Variants in SNTG2 observed in about 807,000 individuals in gnomAD.
The protein encoded by SNTG2 is syntrophin gamma 2, also known as gamma-2-syntrophin.
In SNTG2, 74 loss-of-function variants were observed where a neutral mutation model predicts 70.9. That is an observed-to-expected ratio of 1.04 (90% confidence interval 0.86 to 1.27). The LOEUF is 1.27. Among genes scored for constraint, SNTG2 ranks in the 50% most tolerant of loss-of-function variants. The probability of loss-of-function intolerance (pLI) is 0.00; values close to 1 mark genes in which losing one functional copy is unlikely to be tolerated. For missense variants in SNTG2, 717 were observed against 690.7 expected (o/e 1.04, Z -0.43); for synonymous variants, 278 against 273.8 (o/e 1.02, Z -0.15).
At chr2:1,335,106 G>A (rs1659750122) in intron 16 of SNTG2, among the ~76,000 whole-genome samples, 1 of 151,928 alleles carries the variant, frequency 6.6e-6, no homozygotes, top group African/African-American at 2.4e-5. Flanking sequence ...CTCAACTTGG[G>A]GCCCAGCCAC....
intron 9 of SNTG2, among the ~76,000 whole-genome samples, chr2:1,234,129 G>A (rs1320715484): frequency 6.6e-6 from 1 of 152,174 alleles, no homozygotes; most frequent in Non-Finnish European, 1.5e-5. Context: ...TGTGAGCCAC[G>A]GAGGAAACTC....
At chr2:1,249,717 T>C (rs1207474560) in intron 12 of SNTG2, among the ~76,000 whole-genome samples, 2 of 152,270 alleles carry the variant, frequency 1.3e-5, no homozygotes, top group Non-Finnish European at 2.9e-5. Context: ...TGTTTGATTT[T>C]GAAATAATTC....
At chr2:1,336,050 G>A (rs547140034) in intron 16 of SNTG2, among the ~76,000 whole-genome samples, 143 of 152,194 alleles carry the variant, frequency 9.4e-4, no homozygotes, top group African/African-American at 3.3e-3. Context: ...TATTAGTCTT[G>A]AAATTAAAAT....
chr2:1,314,962 C>T lies in SNTG2; in HGVS notation c.1378-1303C>T, dbSNP rs868538891. On this transcript the variant is annotated intron_variant, in intron 15 of 16. Transcript: ENST00000308624. The stretch of plus-strand genomic sequence containing the variant: ...TCAGTTACCTCCCACCAGGTCCCTC[C>T]CATAACAATTCAAGATGAGATTTGG... 2.0e-5 allele frequency among the ~76,000 whole-genome samples: 3 copies of T among 152,292 alleles called. No homozygotes were observed. In the Middle Eastern group the frequency reaches 0.01, roughly 518 times the overall value.
At chr2:1,339,742 CA>C (rs1375420735) in intron 16 of SNTG2, among the ~76,000 whole-genome samples, 1 of 152,166 alleles carries the variant, frequency 6.6e-6, no homozygotes, top group Non-Finnish European at 1.5e-5. Context: ...TAGAGGAAGC[CA>C]TAACTGCCTA....
chr2:1,305,264 G>GACT (rs1234797841), intron 14 of SNTG2, among the ~76,000 whole-genome samples: 2 of 152,140 alleles, frequency 1.3e-5, no homozygotes, highest in Non-Finnish European at 2.9e-5. Context: ...AATTCCAAAT[G>GACT]ACTACACCAA....
intron 16 of SNTG2, among the ~76,000 whole-genome samples, chr2:1,328,122 A>C (rs1215286330): frequency 6.6e-6 from 1 of 152,098 alleles, no homozygotes; most frequent in Non-Finnish European, 1.5e-5. Context: ...CTCTATCATG[A>C]GAACAGCACT....
intron 12 of SNTG2, among the ~76,000 whole-genome samples, chr2:1,247,800 C>T (rs913735956): frequency 1.3e-5 from 2 of 152,104 alleles, no homozygotes; most frequent in Non-Finnish European, 2.9e-5. Context: ...TCTTTTTAGA[C>T]GTTTCCAATT....
intron 1 of SNTG2, among the ~76,000 whole-genome samples, chr2:993,629 A>C (rs2147980283): frequency 6.6e-6 from 1 of 152,214 alleles, no homozygotes; most frequent in African/African-American, 2.4e-5. Context: ...AGAAAATTGT[A>C]CCACTTGACA....
intron 16 of SNTG2, among the ~76,000 whole-genome samples, chr2:1,362,540 A>G (rs140512252): frequency 0.69 from 77,830 of 113,024 alleles, 26,466 homozygotes; most frequent in East Asian, 0.93. Flanking sequence ...GAAAGTCACC[A>G]ATGCTGAGCA....
chr2:1,193,707 G>T (rs193004220), intron 8 of SNTG2, among the ~76,000 whole-genome samples: 1 of 152,226 alleles, frequency 6.6e-6, no homozygotes, highest in East Asian at 1.9e-4. Context: ...TTAGACTCTC[G>T]CCTGACAGCA....
At chr2:1,199,335 T>G (rs910353983) in intron 8 of SNTG2, among the ~76,000 whole-genome samples, 2 of 151,882 alleles carry the variant, frequency 1.3e-5, no homozygotes, top group Non-Finnish European at 2.9e-5. Flanking sequence ...TCAACAATGC[T>G]TTATGATAAA....
chr2:1,032,374 C>T (rs997909424), intron 1 of SNTG2, among the ~76,000 whole-genome samples: 5 of 151,994 alleles, frequency 3.3e-5, no homozygotes, highest in African/African-American at 1.2e-4. Flanking sequence ...AACGAAACTA[C>T]ACACACGCAC....
At chr2:1,005,955 T>C (rs1659558823) in intron 1 of SNTG2, among the ~76,000 whole-genome samples, 5 of 149,460 alleles carry the variant, frequency 3.3e-5, no homozygotes, top group South Asian at 4.3e-4. Flanking sequence ...AACTGAATTA[T>C]ATGGAGGAAG....
At chr2:1,266,760 T>TTTTTTTTTTTTTTTTTTG in intron 13 of SNTG2, among the ~76,000 whole-genome samples, 1 of 144,186 alleles carries the variant, frequency 6.9e-6, no homozygotes, top group Non-Finnish European at 1.5e-5. Context: ...TCTTTTTTTT[T>TTTTTTTTTTTTTTTTTTG]TTTTTCTTGA....
chr2:955,788 C>A (rs1009725823), intron 1 of SNTG2, among the ~76,000 whole-genome samples: 1 of 152,186 alleles, frequency 6.6e-6, no homozygotes, highest in Non-Finnish European at 1.5e-5. Flanking sequence ...TGAACAAAAT[C>A]ATCACTTATT....
At chr2:1,201,344 G>A (rs1006400222) in intron 8 of SNTG2, among the ~76,000 whole-genome samples, 2 of 151,890 alleles carry the variant, frequency 1.3e-5, no homozygotes, top group East Asian at 3.9e-4. Flanking sequence ...AGCTAAAAAA[G>A]TTGATTTCAT....
intron 4 of SNTG2, among the ~76,000 whole-genome samples, chr2:1,121,323 C>T (rs1175071468): frequency 6.6e-6 from 1 of 151,888 alleles, no homozygotes; most frequent in African/African-American, 2.4e-5. Context: ...AATAGCCTAA[C>T]ATTAAGCCTC....
At chr2:1,214,776 T>C (rs1333191011) in intron 9 of SNTG2, among the ~76,000 whole-genome samples, 1 of 152,228 alleles carries the variant, frequency 6.6e-6, no homozygotes, top group Non-Finnish European at 1.5e-5. Flanking sequence ...CTATGTTGTA[T>C]AGATGTGGTG....
Sources: allele counts gnomAD v4.1 joint callset (sites outside exome capture counted in the v4.1 genomes callset), GRCh38; gene constraint gnomAD v4.1.1; transcripts MANE v1.5; gene names NCBI Gene and HGNC (gene_info 2026-07-23, HGNC 2026-07-21).